Variants in ARHGAP22 observed in about 807,000 individuals in gnomAD.
ARHGAP22 encodes Rho GTPase activating protein 22, also known as rho GTPase-activating protein 22.
Under a neutral mutation model 59.1 loss-of-function variants are expected in ARHGAP22, and 48 were observed. That is an observed-to-expected ratio of 0.81 (90% CI 0.64 to 1.03). The LOEUF is 1.03. ARHGAP22 is among the 50% of genes least tolerant of loss of function. The probability of loss-of-function intolerance (pLI) is 0.00; values close to 1 mark genes in which losing one functional copy is unlikely to be tolerated. For missense variants in ARHGAP22, 1,015 were observed against 958.7 expected, an observed-to-expected ratio of 1.06 and a Z score of -0.78; for synonymous variants, 445 against 416.4, an observed-to-expected ratio of 1.07 and a Z score of -0.84.
At chr10:48,635,436 A>C (rs2061778210) in intron 1 of ARHGAP22, among the ~76,000 whole-genome samples, 1 of 152,146 alleles carries the variant, frequency 6.6e-6, no homozygotes, top group Non-Finnish European at 1.5e-5. Flanking sequence ...GTCCCCTCTT[A>C]GGTGAGCCCA....
At chr10:48,431,313 T>C in the ARHGAP22 span, 2 of 1,361,242 alleles carry the variant, frequency 1.5e-6, no homozygotes, top group East Asian at 4.6e-5. Flanking sequence ...AGTTTACTTC[T>C]TGTGTTGTAA....
upstream of ARHGAP22, among the ~76,000 whole-genome samples, chr10:48,610,029 T>A (rs2060822818): frequency 6.6e-6 from 1 of 152,214 alleles, no homozygotes; most frequent in African/African-American, 2.4e-5. Flanking sequence ...TGCAGGCTGC[T>A]CTGTCATAGA....
At chr10:48,572,887 A>G (rs531938732) in intron 2 of ARHGAP22, among the ~76,000 whole-genome samples, 1 of 152,362 alleles carries the variant, frequency 6.6e-6, no homozygotes, top group East Asian at 1.9e-4. Context: ...TTTGTCAAAT[A>G]GTCACAAAGA....
intron 3 of ARHGAP22, among the ~76,000 whole-genome samples, chr10:48,484,301 T>C (rs1339681047): frequency 6.6e-6 from 1 of 152,268 alleles, no homozygotes; most frequent in Non-Finnish European, 1.5e-5. Flanking sequence ...ATTACGCTAA[T>C]ACATTTTCAA....
At chr10:48,616,866 C>G (rs1159678818) in intron 1 of ARHGAP22, among the ~76,000 whole-genome samples, 7 of 152,056 alleles carry the variant, frequency 4.6e-5, no homozygotes, top group Non-Finnish European at 4.4e-5. Context: ...AGACACTAGA[C>G]AGTAACTGAA....
chr10:48,562,552 T>C (rs550539290), intron 2 of ARHGAP22, among the ~76,000 whole-genome samples: 1 of 152,286 alleles, frequency 6.6e-6, no homozygotes, highest in South Asian at 2.1e-4. Flanking sequence ...CCAGAGTACA[T>C]ACTGTGTGAT....
intron 1 of ARHGAP22, among the ~76,000 whole-genome samples, chr10:48,650,523 G>C (rs1216977162): frequency 1.3e-5 from 2 of 152,160 alleles, no homozygotes. Context: ...TGTATGAATT[G>C]CCACTGACTT....
At chr10:48,630,530 T>C (rs2061596073) in intron 1 of ARHGAP22, among the ~76,000 whole-genome samples, 1 of 152,264 alleles carries the variant, frequency 6.6e-6, no homozygotes, top group African/African-American at 2.4e-5. Context: ...TTCTGTTAGA[T>C]TTATAGGTAT....
chr10:48,611,427 G>A (rs1372099655), intron 1 of ARHGAP22, among the ~76,000 whole-genome samples: 1 of 152,160 alleles, frequency 6.6e-6, no homozygotes, highest in African/African-American at 2.4e-5. Flanking sequence ...AAGAAGGGGG[G>A]AGGTCGCTGC....
intron 3 of ARHGAP22, among the ~76,000 whole-genome samples, chr10:48,541,564 G>C (rs1389654452): frequency 6.6e-6 from 1 of 152,172 alleles, no homozygotes; most frequent in African/African-American, 2.4e-5. Context: ...CCCGCTGCAG[G>C]ACAGGCGGCA....
intron 4 of ARHGAP22, among the ~76,000 whole-genome samples, chr10:48,473,303 C>T (rs2048395059): frequency 6.6e-6 from 1 of 151,920 alleles, no homozygotes; most frequent in Non-Finnish European, 1.5e-5. Context: ...TTTATAAAGA[C>T]AGAAAGTAGA....
intron 1 of ARHGAP22, among the ~76,000 whole-genome samples, chr10:48,639,528 T>A (rs2061957035): frequency 6.6e-6 from 1 of 152,182 alleles, no homozygotes; most frequent in South Asian, 2.1e-4. Context: ...GGCTCATGGT[T>A]TGTATATGAC....
intron 1 of ARHGAP22, among the ~76,000 whole-genome samples, chr10:48,638,400 T>TTGTG (rs148218697): frequency 1.3e-5 from 2 of 151,364 alleles, no homozygotes; most frequent in African/African-American, 4.9e-5. Flanking sequence ...AGTGTGTGTG[T>TTGTG]TGTGTGTGTG....
intron 1 of ARHGAP22, among the ~76,000 whole-genome samples, chr10:48,595,342 G>A (rs2060005614): frequency 6.6e-6 from 1 of 152,178 alleles, no homozygotes; most frequent in African/African-American, 2.4e-5. Flanking sequence ...GGGCACTCTG[G>A]AGGGGCCGGG....
At chr10:48,565,724 C>T (rs1355293633) in intron 2 of ARHGAP22, among the ~76,000 whole-genome samples, 2 of 152,158 alleles carry the variant, frequency 1.3e-5, no homozygotes, top group Non-Finnish European at 2.9e-5. Context: ...CCAGATTTGT[C>T]ACTGGGCCAT....
chr10:48,446,269 G>T lies in ARHGAP22; in HGVS notation c.*122C>A. ...CCCCACAGTCCCCACAGAGGTATCA[G>T]GATCTCTCTCTCTCCAGCTGGCTCC... On this transcript the variant is annotated 3_prime_UTR_variant, in exon 10 of 10. Transcript: ENST00000249601. The T allele has an allele frequency of 9.7e-7, 1 of 1,026,346 alleles. No homozygotes were observed. Among genetic ancestry groups the T allele is most frequent in the Non-Finnish European group, 1.4e-6 (1 of 701,476 alleles). 63.6% of individuals were successfully genotyped at this position (1,026,346 alleles called of 1,614,324 possible).
intron 3 of ARHGAP22, among the ~76,000 whole-genome samples, chr10:48,511,935 C>A (rs1445155): frequency 0.19 from 28,609 of 152,066 alleles, 2,892 homozygotes; most frequent in Non-Finnish European, 0.24. Context: ...CCACCTCCCC[C>A]AATTAGCCCC....
At chr10:48,571,041 T>C (rs1364625162) in intron 2 of ARHGAP22, among the ~76,000 whole-genome samples, 1 of 152,234 alleles carries the variant, frequency 6.6e-6, no homozygotes, top group African/African-American at 2.4e-5. Flanking sequence ...TAGTTCTTTT[T>C]CTTCCATTCC....
At chr10:48,448,670 G>A (rs1216287311) in intron 9 of ARHGAP22, among the ~76,000 whole-genome samples, 1 of 147,010 alleles carries the variant, frequency 6.8e-6, no homozygotes, top group Non-Finnish European at 1.5e-5. Flanking sequence ...GGACAGGACA[G>A]GTGCTAATGC....
Sources: gnomAD v4.1 joint callset for allele counts (sites outside exome capture counted in the v4.1 genomes callset) on GRCh38, gnomAD v4.1.1 for gene constraint, MANE v1.5 for transcripts, NCBI Gene and HGNC (gene_info 2026-07-23, HGNC 2026-07-21) for gene names.